NXPH1: variants seen among roughly 807,000 people sequenced by gnomAD.
The protein encoded by NXPH1 is neurexophilin-1.
Under a neutral mutation model 23.7 loss-of-function variants are expected in NXPH1, and 5 were observed. The observed-to-expected ratio is 0.21, with a 90% confidence interval of 0.11 to 0.44. NXPH1 has a LOEUF of 0.44. NXPH1 is among the 20% of genes least tolerant of loss of function. The pLI, the probability that NXPH1 is intolerant of heterozygous loss-of-function variation, is 0.99. For missense variants in NXPH1, 324 were observed against 321.6 expected, an observed-to-expected ratio of 1.01 and a Z score of -0.06; for synonymous variants, 144 against 122.2, an observed-to-expected ratio of 1.18 and a Z score of -1.18.
At chr7:8,548,867 A>G (rs1029909384) in intron 2 of NXPH1, among the ~76,000 whole-genome samples, 1 of 151,684 alleles carries the variant, frequency 6.6e-6, no homozygotes, top group South Asian at 2.1e-4. Context: ...TGTCTTTGAC[A>G]CTAACTAGCT....
intron 2 of NXPH1, among the ~76,000 whole-genome samples, chr7:8,732,188 C>T (rs1051675184): frequency 2.6e-5 from 4 of 152,242 alleles, no homozygotes; most frequent in East Asian, 1.9e-4. Flanking sequence ...CAATGCCTCG[C>T]CATGCTTCGG....
At chr7:8,568,827 A>G (rs1818595664) in intron 2 of NXPH1, among the ~76,000 whole-genome samples, 1 of 151,822 alleles carries the variant, frequency 6.6e-6, no homozygotes, top group Non-Finnish European at 1.5e-5. Context: ...AGAGACTTTT[A>G]TCTGCCTCCA....
chr7:8,683,255 G>A (rs1439099745), intron 2 of NXPH1, among the ~76,000 whole-genome samples: 1 of 152,198 alleles, frequency 6.6e-6, no homozygotes, highest in Admixed American at 6.5e-5. Context: ...ACTATTGTGG[G>A]GAGGGCATCA....
At chr7:8,574,644 GA>G (rs1818717679) in intron 2 of NXPH1, among the ~76,000 whole-genome samples, 1 of 152,136 alleles carries the variant, frequency 6.6e-6, no homozygotes, top group African/African-American at 2.4e-5. Flanking sequence ...TAGTGGGTGG[GA>G]CAATGAAAGC....
At position 8,435,056 on chromosome 7, in the gene NXPH1, C is replaced by T. The variant is rs1026394205; in HGVS notation, c.-111+301C>T. ...GTATGCAAATTGCATTCTCTTTCCC[C>T]ACCCCCACTTCACCGAACGTGTTGA... On this transcript the variant is annotated intron_variant, in intron 1 of 2. Coordinates refer to ENST00000405863, the MANE Select transcript of NXPH1 (RefSeq NM_152745.3). This position sits in a 1 kb window ranked among gnomAD's most constrained non-coding sequence, Gnocchi z 5.9. 6.5e-6 allele frequency: 1 copy of T among 153,210 alleles called. No individual in the cohort carries two copies. Among genetic ancestry groups the T allele is most frequent in the African/African-American group, 2.4e-5 (1 of 41,428 alleles). 9.5% of individuals were successfully genotyped at this position (153,210 alleles called of 1,614,324 possible). A position where few individuals can be genotyped will look rare whatever the true frequency, so the allele number is the denominator to read the frequency against.
chr7:8,523,991 T>C (rs1376187145), intron 2 of NXPH1, among the ~76,000 whole-genome samples: 1 of 152,088 alleles, frequency 6.6e-6, no homozygotes, highest in Non-Finnish European at 1.5e-5. Context: ...ATGCCTGTAA[T>C]CCCAGCACTT....
chr7:8,598,615 G>T (rs1467528891), intron 2 of NXPH1, among the ~76,000 whole-genome samples: 1 of 152,122 alleles, frequency 6.6e-6, no homozygotes, highest in East Asian at 1.9e-4. Context: ...TAGGGGAAAA[G>T]AAACCTTTTT....
At chr7:8,456,060 T>G (rs74507980) in intron 2 of NXPH1, among the ~76,000 whole-genome samples, 5,729 of 152,294 alleles carry the variant, frequency 0.038, 143 homozygotes, top group Non-Finnish European at 0.053. Context: ...AGTCATTTGA[T>G]AAGTGGTGAA....
At chr7:8,646,941 T>A (rs1302995405) in intron 2 of NXPH1, among the ~76,000 whole-genome samples, 2 of 148,510 alleles carry the variant, frequency 1.3e-5, no homozygotes, top group African/African-American at 5.0e-5. Flanking sequence ...CTGGGAGGGG[T>A]ACATGGAGAG....
intron 2 of NXPH1, among the ~76,000 whole-genome samples, chr7:8,672,548 C>T (rs116065508): frequency 0.023 from 3,556 of 151,726 alleles, 143 homozygotes; most frequent in African/African-American, 0.081. Flanking sequence ...AAGCAAACAG[C>T]TTGAAAGACA....
At chr7:8,540,400 C>T (rs574887831) in intron 2 of NXPH1, among the ~76,000 whole-genome samples, 6 of 151,864 alleles carry the variant, frequency 4.0e-5, no homozygotes, top group African/African-American at 1.4e-4. Flanking sequence ...GGACATCAGA[C>T]ACTGAAAGAT....
intron 2 of NXPH1, among the ~76,000 whole-genome samples, chr7:8,620,459 GA>G (rs1213752327): frequency 6.6e-6 from 1 of 152,124 alleles, no homozygotes; most frequent in Non-Finnish European, 1.5e-5. Flanking sequence ...GGGAATTATG[GA>G]ATTCACCCAG....
At chr7:8,689,486 C>T (rs950016537) in intron 2 of NXPH1, among the ~76,000 whole-genome samples, 9 of 152,106 alleles carry the variant, frequency 5.9e-5, no homozygotes, top group African/African-American at 1.7e-4. Flanking sequence ...GGGGGATCCT[C>T]GCTATGCATA....
intron 2 of NXPH1, among the ~76,000 whole-genome samples, chr7:8,664,493 T>G (rs1820729869): frequency 1.3e-5 from 2 of 152,128 alleles, no homozygotes; most frequent in South Asian, 4.1e-4. Context: ...ATCTATTTAC[T>G]GTAGAAACTT....
intron 2 of NXPH1, among the ~76,000 whole-genome samples, chr7:8,730,277 G>T (rs1780127903): frequency 1.3e-5 from 2 of 148,446 alleles, no homozygotes; most frequent in South Asian, 4.4e-4. Flanking sequence ...ACACTGATGG[G>T]TCTTGACTCT....
At chr7:8,687,765 T>C (rs1179106964) in intron 2 of NXPH1, among the ~76,000 whole-genome samples, 1 of 152,184 alleles carries the variant, frequency 6.6e-6, no homozygotes, top group East Asian at 1.9e-4. Context: ...CATGGTAATG[T>C]TCAAGGTTAG....
chr7:8,724,214 C>G (rs1466683181), intron 2 of NXPH1, among the ~76,000 whole-genome samples: 4 of 152,162 alleles, frequency 2.6e-5, no homozygotes, highest in Non-Finnish European at 5.9e-5. Flanking sequence ...CATCTTTTTT[C>G]AAAGAGACCT....
At chr7:8,601,442 T>G (rs1188861628) in intron 2 of NXPH1, among the ~76,000 whole-genome samples, 1 of 152,174 alleles carries the variant, frequency 6.6e-6, no homozygotes, top group Non-Finnish European at 1.5e-5. Context: ...ATCCAGTGAC[T>G]CTGAGGTTAC....
chr7:8,751,180 A>G lies in NXPH1; in HGVS notation c.227A>G (p.Tyr76Cys). The G allele has an allele frequency of 6.2e-7, 1 of 1,613,834 alleles. No individual in the cohort carries two copies. Among genetic ancestry groups the G allele is most frequent in the Non-Finnish European group, 8.5e-7 (1 of 1,179,808 alleles). The change falls in exon 3 of 3, where the codon TAT becomes TGT. Residue 76 changes from tyrosine to cysteine, a missense_variant. Physicochemically the swap from Tyr to Cys is radical, Grantham distance 194. Transcript: ENST00000405863. This position sits in a 1 kb window ranked among gnomAD's most constrained non-coding sequence, Gnocchi z 4.5. ...AATGATACAGATTTGGACCTGAGAT[A>G]TGACACCCCAGAACCTTATTCTGAG... is the stretch of plus-strand genomic sequence containing the variant. ...KENDTDLDLR[Y>C]DTPEPYSEQD... is the part of the protein sequence containing the mutation.
Sources: gnomAD v4.1 joint callset for allele counts (sites outside exome capture counted in the v4.1 genomes callset) on GRCh38, gnomAD v4.1.1 for gene constraint, Gnocchi (gnomAD v3.1) non-coding constraint, MANE v1.5 for transcripts, NCBI Gene and HGNC (gene_info 2026-07-23, HGNC 2026-07-21) for gene names.